AKAP19: variants seen among roughly 807,000 people sequenced by gnomAD.
AKAP19 encodes small A-kinase anchoring protein.
the AKAP19 span, chr2:190,181,267 G>C: frequency 2.0e-6 from 1 of 503,556 alleles, no homozygotes; most frequent in South Asian, 8.4e-5. Flanking sequence ...GCCGTGGATA[G>C]AGCCTCACAT....
At chr2:190,161,392 A>C in the AKAP19 span, among the ~76,000 whole-genome samples, 6,191 of 152,232 alleles carry the variant, frequency 0.041, 410 homozygotes, top group African/African-American at 0.14. Flanking sequence ...ACCTATTAAT[A>C]GGCATCTAAA....
chr2:190,194,477 T>TACACACACAC, the AKAP19 span, among the ~76,000 whole-genome samples: 49 of 141,476 alleles, frequency 3.5e-4, no homozygotes, highest in East Asian at 1.4e-3. Context: ...ATCCTGTGTA[T>TACACACACAC]ACACACACAC....
At chr2:190,093,778 T>C in the AKAP19 span, among the ~76,000 whole-genome samples, 1 of 152,186 alleles carries the variant, frequency 6.6e-6, no homozygotes, top group Non-Finnish European at 1.5e-5. Flanking sequence ...TTTTGAAAGG[T>C]TGTTGATAGA....
At chr2:189,911,755 A>G in the AKAP19 span, among the ~76,000 whole-genome samples, 1 of 152,028 alleles carries the variant, frequency 6.6e-6, no homozygotes, top group South Asian at 2.1e-4. Flanking sequence ...ATGACAATTC[A>G]TTTTATCCCT....
At chr2:190,154,593 T>G in the AKAP19 span, among the ~76,000 whole-genome samples, 1 of 152,256 alleles carries the variant, frequency 6.6e-6, no homozygotes, top group African/African-American at 2.4e-5. Context: ...AGTTCATATT[T>G]GCTCATACTG....
At chr2:190,131,513 A>T in the AKAP19 span, among the ~76,000 whole-genome samples, 1 of 152,190 alleles carries the variant, frequency 6.6e-6, no homozygotes, top group Non-Finnish European at 1.5e-5. Flanking sequence ...CATCTCTTCC[A>T]TCTGGCTCTT....
chr2:189,916,769 G>A, the AKAP19 span, among the ~76,000 whole-genome samples: 2 of 152,138 alleles, frequency 1.3e-5, no homozygotes, highest in Non-Finnish European at 2.9e-5. Context: ...TGTCATCCAG[G>A]TTGTTAAATG....
At chr2:190,161,606 G>A in the AKAP19 span, among the ~76,000 whole-genome samples, 1 of 151,998 alleles carries the variant, frequency 6.6e-6, no homozygotes, top group Non-Finnish European at 1.5e-5. Flanking sequence ...TTTGACTCCT[G>A]GCTTAGAAAT....
the AKAP19 span, among the ~76,000 whole-genome samples, chr2:190,077,328 G>A: frequency 6.6e-6 from 1 of 151,448 alleles, no homozygotes; most frequent in African/African-American, 2.4e-5. Flanking sequence ...TCCTGCCTCA[G>A]CCTCCCGAGT....
the AKAP19 span, among the ~76,000 whole-genome samples, chr2:190,044,086 G>A: frequency 1.3e-5 from 2 of 152,164 alleles, no homozygotes; most frequent in Non-Finnish European, 2.9e-5. Context: ...TTGCAGCTGT[G>A]TTCCCTCTCA....
the AKAP19 span, among the ~76,000 whole-genome samples, chr2:189,998,818 G>A: frequency 7.9e-6 from 1 of 127,210 alleles, no homozygotes; most frequent in African/African-American, 3.1e-5. Context: ...TTTCACCCAG[G>A]CTGGAGCACA....
the AKAP19 span, among the ~76,000 whole-genome samples, chr2:189,997,516 G>A: frequency 6.6e-6 from 1 of 152,114 alleles, no homozygotes; most frequent in South Asian, 2.1e-4. Context: ...TTCCAGAGGG[G>A]ATTATGGCTG....
the AKAP19 span, among the ~76,000 whole-genome samples, chr2:189,923,085 A>T: frequency 4.7e-4 from 72 of 152,334 alleles, no homozygotes; most frequent in African/African-American, 1.6e-3. Flanking sequence ...TGGGAGGCGG[A>T]GGTTGCAGTG....
the AKAP19 span, among the ~76,000 whole-genome samples, chr2:190,105,077 G>A: frequency 2.6e-5 from 4 of 152,096 alleles, no homozygotes; most frequent in South Asian, 2.1e-4. Context: ...AAAACAGTTC[G>A]GAGATTTCTC....
the AKAP19 span, among the ~76,000 whole-genome samples, chr2:190,127,624 T>A: frequency 6.6e-6 from 1 of 152,216 alleles, no homozygotes; most frequent in Non-Finnish European, 1.5e-5. Context: ...TATTAGAACA[T>A]GAATAATGTG....
At chr2:190,144,489 C>A in the AKAP19 span, among the ~76,000 whole-genome samples, 1 of 152,096 alleles carries the variant, frequency 6.6e-6, no homozygotes, top group Non-Finnish European at 1.5e-5. Context: ...TTAAAAAACA[C>A]ATAGAAATCT....
chr2:190,044,097 A>T, the AKAP19 span, among the ~76,000 whole-genome samples: 1 of 152,134 alleles, frequency 6.6e-6, no homozygotes, highest in South Asian at 2.1e-4. Context: ...TTCCCTCTCA[A>T]TGCTTTGAAA....
chr2:190,112,386 G>T, the AKAP19 span, among the ~76,000 whole-genome samples: 1 of 151,940 alleles, frequency 6.6e-6, no homozygotes, highest in Non-Finnish European at 1.5e-5. Flanking sequence ...TTATTTCTTT[G>T]TATTTACTTA....
chr2:190,123,536 CATTTA>C, the AKAP19 span, among the ~76,000 whole-genome samples: 1 of 152,168 alleles, frequency 6.6e-6, no homozygotes, highest in African/African-American at 2.4e-5. Flanking sequence ...AGGTCTTCCA[CATTTA>C]ATTTAAGTGC....
Sources: allele counts gnomAD v4.1 joint callset (sites outside exome capture counted in the v4.1 genomes callset), GRCh38; gene constraint gnomAD v4.1.1; transcripts MANE v1.5; gene names NCBI Gene and HGNC (gene_info 2026-07-23, HGNC 2026-07-21).